The following GLRB variants were observed in gnomAD, a reference collection of about 807,000 sequenced individuals.
The protein encoded by GLRB is glycine receptor beta.
GLRB carries 33 observed loss-of-function variants against 54.2 expected under a neutral mutation model. That is an observed-to-expected ratio of 0.61 (90% CI 0.46 to 0.81). The LOEUF is 0.81. Ranked by LOEUF, GLRB falls within the 40% of genes least tolerant of loss-of-function variation. The pLI is 0.00. For missense variants in GLRB, 572 were observed against 584.6 expected (o/e 0.98, Z 0.22); for synonymous variants, 209 against 208.2 (o/e 1.00, Z -0.03).
At chr4:157,078,193 G>A (rs376607256) in intron 2 of GLRB, 47 bp downstream of exon 2, 151 of 1,606,000 alleles carry the variant, frequency 9.4e-5, no homozygotes, top group Middle Eastern at 1.7e-4. Context: ...ATGTTATTGC[G>A]TGTTTTATAA....
chr4:157,103,025 C>T (rs756441095), intron 2 of GLRB, among the ~76,000 whole-genome samples: 9 of 151,984 alleles, frequency 5.9e-5, no homozygotes, highest in Non-Finnish European at 1.3e-4. Flanking sequence ...GGGATGCACG[C>T]CTGTAGTCCC....
At chr4:157,149,282 C>G (rs1263211919) in intron 8 of GLRB, among the ~76,000 whole-genome samples, 1 of 152,050 alleles carries the variant, frequency 6.6e-6, no homozygotes. Flanking sequence ...TTTCACCCAG[C>G]CTTTTTGTGA....
intron 2 of GLRB, among the ~76,000 whole-genome samples, chr4:157,085,368 A>G (rs1057171620): frequency 1.3e-5 from 2 of 152,038 alleles, no homozygotes; most frequent in Non-Finnish European, 2.9e-5. Context: ...GGCCTCCTAA[A>G]GTACAGAGAT....
At chr4:157,121,786 A>G (rs2126533398) in intron 3 of GLRB, among the ~76,000 whole-genome samples, 1 of 151,814 alleles carries the variant, frequency 6.6e-6, no homozygotes, top group Non-Finnish European at 1.5e-5. Flanking sequence ...CTTTCAAATT[A>G]TTTTTCAAAA....
rs6816028 is a variant in GLRB at position 157,113,235 on chromosome 4, C to T, written c.123-7321C>T. On this transcript the variant is annotated intron_variant, in intron 2 of 9. Transcript: ENST00000264428. ...AAAATTGAGAAAAGCTAAGTATCAT[C>T]GCAGTTGGTTGCAGAGTTAGAAGTC... Among the ~76,000 whole-genome samples, 660 of 151,906 alleles carry T rather than the reference C, an allele frequency of 4.3e-3. 8 individuals are homozygous for T. Among genetic ancestry groups the T allele is most frequent in the African/African-American group, 0.015 (621 of 41,434 alleles).
chr4:157,129,012 C>G (rs1560958107), intron 4 of GLRB, among the ~76,000 whole-genome samples: 1 of 151,818 alleles, frequency 6.6e-6, no homozygotes, highest in African/African-American at 2.4e-5. Context: ...AACAACATTA[C>G]AAAATATAAA....
chr4:157,123,378 C>T (rs552345361), intron 4 of GLRB, among the ~76,000 whole-genome samples: 1 of 151,808 alleles, frequency 6.6e-6, no homozygotes, highest in African/African-American at 2.4e-5. Flanking sequence ...CAGCATAGTA[C>T]ATTATAAAAG....
At chr4:157,104,339 A>T (rs1430911881) in intron 2 of GLRB, among the ~76,000 whole-genome samples, 1 of 151,928 alleles carries the variant, frequency 6.6e-6, no homozygotes, top group East Asian at 1.9e-4. Flanking sequence ...CATTCTGTTG[A>T]TTTGGGTGGT....
rs758074049 is a variant in GLRB at position 157,136,634 on chromosome 4, G to T, written c.463G>T (p.Asp155Tyr). 1 of 1,613,384 alleles carries T rather than the reference G, an allele frequency of 6.2e-7. No individual in the cohort carries two copies. Among genetic ancestry groups the T allele is most frequent in the Non-Finnish European group, 8.5e-7 (1 of 1,179,402 alleles). Residue 155 changes from aspartate (D) to tyrosine (Y), a missense_variant, in exon 5 of 10, where the codon GAT becomes TAT. Asp to Tyr is a radical substitution (Grantham distance 160, BLOSUM62 -3). Coordinates refer to ENST00000264428, the MANE Select transcript of GLRB (RefSeq NM_000824.5). ...AAATGAAAAAAGTGCCAATTTTCAT[G>T]ATGTGACCCAGGAAAACATCCTCCT... Reference protein sequence around the residue: ...FANEKSANFHDVTQENILLFI... With the variant: ...FANEKSANFHYVTQENILLFI...
chr4:157,129,675 G>A (rs1370931660), intron 4 of GLRB, among the ~76,000 whole-genome samples: 1 of 151,696 alleles, frequency 6.6e-6, no homozygotes, highest in African/African-American at 2.4e-5. Context: ...GCAATTTCCA[G>A]TTTTGGTGAT....
intron 4 of GLRB, among the ~76,000 whole-genome samples, chr4:157,122,715 T>A (rs943040020): frequency 5.3e-5 from 8 of 151,838 alleles, no homozygotes; most frequent in Admixed American, 4.6e-4. Flanking sequence ...GTTTTTGTTT[T>A]CTAATATGCT....
At chr4:157,092,057 T>C (rs970443776) in intron 2 of GLRB, among the ~76,000 whole-genome samples, 1 of 122,554 alleles carries the variant, frequency 8.2e-6, no homozygotes, top group African/African-American at 4.5e-5. Context: ...TTCAGGAGAT[T>C]TGTGTTCTAG....
At chr4:157,134,820 A>G (rs1736342070) in intron 4 of GLRB, among the ~76,000 whole-genome samples, 1 of 152,174 alleles carries the variant, frequency 6.6e-6, no homozygotes, top group Non-Finnish European at 1.5e-5. Flanking sequence ...GGAGACATAC[A>G]ATGGTAATTG....
chr4:157,147,128 G>A (rs916022236), intron 8 of GLRB, among the ~76,000 whole-genome samples: 2 of 152,060 alleles, frequency 1.3e-5, no homozygotes, highest in Admixed American at 6.6e-5. Flanking sequence ...GGGTTTAATT[G>A]GAAATTTCAA....
Position 157,143,804 on chromosome 4 carries a change from A to G in GLRB, c.752-3A>G. 1 of 1,612,580 alleles carries G rather than the reference A, an allele frequency of 6.2e-7. No individual in the cohort carries two copies. Among genetic ancestry groups the G allele is most frequent in the Non-Finnish European group, 8.5e-7 (1 of 1,179,620 alleles). On this transcript the variant is annotated splice_region_variant and splice_polypyrimidine_tract_variant and intron_variant, in intron 7 of 9. Coordinates refer to ENST00000264428, the MANE Select transcript of GLRB (RefSeq NM_000824.5). ...ATGCCTTGAATGTGTTTGCTTCTGA[A>G]AGGCTACTACACATGCGTGGAAGTC...
At chr4:157,089,993 C>T (rs940757977) in intron 2 of GLRB, among the ~76,000 whole-genome samples, 14 of 152,136 alleles carry the variant, frequency 9.2e-5, no homozygotes, top group African/African-American at 3.4e-4. Context: ...CATCTAGCTA[C>T]TTCTCCTCAT....
At chr4:157,077,443 T>G (rs546515288) in intron 1 of GLRB, among the ~76,000 whole-genome samples, 1 of 152,250 alleles carries the variant, frequency 6.6e-6, no homozygotes, top group African/African-American at 2.4e-5. Flanking sequence ...GAATTTTGAA[T>G]GTGGAACTCT....
chr4:157,155,448 C>A (rs962668306), intron 9 of GLRB, among the ~76,000 whole-genome samples: 2 of 152,118 alleles, frequency 1.3e-5, no homozygotes, highest in Non-Finnish European at 2.9e-5. Context: ...TTCCTTTACC[C>A]ATTTTTGGAT....
At chr4:157,101,813 T>TTTTTTTTTTTTTTTTTTTTTTTTTTG (rs1579198755) in intron 2 of GLRB, among the ~76,000 whole-genome samples, 1 of 104,344 alleles carries the variant, frequency 9.6e-6, no homozygotes, top group African/African-American at 3.7e-5. Flanking sequence ...TTTTTTTTTT[T>TTTTTTTTTTTTTTTTTTTTTTTTTTG]GGTGGGGGGG....
Sources: allele counts gnomAD v4.1 joint callset (sites outside exome capture counted in the v4.1 genomes callset), GRCh38; gene constraint gnomAD v4.1.1; transcripts MANE v1.5; gene names NCBI Gene and HGNC (gene_info 2026-07-23, HGNC 2026-07-21).